Variants in TANC1 observed in about 807,000 individuals in gnomAD.
TANC1 encodes protein TANC1.
TANC1 carries 77 observed loss-of-function variants against 149.7 expected under a neutral mutation model. The observed-to-expected ratio is 0.51, with a 90% CI of 0.43 to 0.62. The LOEUF (loss-of-function observed/expected upper bound fraction) is 0.62. Ranked by LOEUF, TANC1 falls within the 20% of genes least tolerant of loss-of-function variation. TANC1 has a pLI of 0.00. For synonymous variants in TANC1, 854 were observed against 925.0 expected (o/e 0.92, Z 1.39); for missense variants, 1,985 against 2,321.8 (o/e 0.85, Z 2.98).
chr2:159,003,883 C>T (rs74584069), intron 2 of TANC1: 163,046 of 1,611,970 alleles, frequency 0.1, 8,824 homozygotes, highest in Non-Finnish European at 0.11. Flanking sequence ...AGGCTCAGGT[C>T]CAGATAGGGG....
chr2:159,045,890 A>G (rs1296553140), intron 2 of TANC1, among the ~76,000 whole-genome samples: 2 of 152,230 alleles, frequency 1.3e-5, no homozygotes, highest in Non-Finnish European at 2.9e-5. Context: ...GAAAAATGAC[A>G]TGGAAGAGGA....
At chr2:159,095,706 A>G (rs1219091737) in intron 3 of TANC1, among the ~76,000 whole-genome samples, 2 of 140,568 alleles carry the variant, frequency 1.4e-5, no homozygotes, top group East Asian at 2.1e-4. Context: ...ACTGCACTCC[A>G]GCCTGGGCAA....
chr2:159,150,046 A>G, intron 6 of TANC1: 1 of 221,598 alleles, frequency 4.5e-6, no homozygotes, highest in Non-Finnish European at 8.8e-6. Context: ...AAATGAAAGG[A>G]AGTCTGCCTG....
intron 1 of TANC1, among the ~76,000 whole-genome samples, chr2:158,974,145 G>A (rs2033307237): frequency 6.6e-6 from 1 of 152,180 alleles, no homozygotes; most frequent in Admixed American, 6.5e-5. Flanking sequence ...AGCATTCTGT[G>A]TTCTGGTCCT....
At chr2:159,094,537 G>A (rs774362007) in intron 3 of TANC1, among the ~76,000 whole-genome samples, 2 of 152,136 alleles carry the variant, frequency 1.3e-5, no homozygotes, top group Admixed American at 6.5e-5. Flanking sequence ...GCTCCACTGC[G>A]CGCTGGCATC....
chr2:159,099,954 A>G (rs1030037318), intron 4 of TANC1, among the ~76,000 whole-genome samples: 3 of 152,202 alleles, frequency 2.0e-5, no homozygotes, highest in African/African-American at 7.2e-5. Flanking sequence ...CTATGCTTTT[A>G]AAAGTATCAC....
chr2:159,175,210 C>T (rs1354819923), intron 12 of TANC1, 26 bp downstream of exon 12: 2 of 1,581,998 alleles, frequency 1.3e-6, no homozygotes, highest in Admixed American at 1.7e-5. Flanking sequence ...TACCCACAGC[C>T]CCATCTCAGT....
At chr2:159,178,385 G>C (rs537194155) in intron 13 of TANC1, among the ~76,000 whole-genome samples, 171 bp from the exon 14 acceptor site, 1 of 152,292 alleles carries the variant, frequency 6.6e-6, no homozygotes, top group Admixed American at 6.5e-5. Flanking sequence ...TTTCACATAA[G>C]CTTTTTATCT....
At chr2:159,149,106 G>T in intron 5 of TANC1, 36 bp from the exon 6 acceptor site, 1 of 1,545,210 alleles carries the variant, frequency 6.5e-7, no homozygotes, top group South Asian at 1.3e-5. Flanking sequence ...AAATTCCCCA[G>T]AGGGGCATCT....
intron 5 of TANC1, among the ~76,000 whole-genome samples, chr2:159,137,761 C>T (rs1574910364): frequency 6.6e-6 from 1 of 152,214 alleles, no homozygotes; most frequent in African/African-American, 2.4e-5. Flanking sequence ...CTACCTACCT[C>T]TTCCCTTCTT....
chr2:159,004,462 C>T (rs1288997179), intron 2 of TANC1: 1 of 708,882 alleles, frequency 1.4e-6, no homozygotes, highest in African/African-American at 1.8e-5. Flanking sequence ...GCTGTTTGTT[C>T]AGCATTTTTC....
intron 14 of TANC1, among the ~76,000 whole-genome samples, chr2:159,181,954 A>C (rs4665033): frequency 0.72 from 109,547 of 152,042 alleles, 40,181 homozygotes; most frequent in East Asian, 0.95. Context: ...TAATCCTAGC[A>C]CTTTGGGAGG....
chr2:159,047,538 T>G (rs1412991545), intron 2 of TANC1, among the ~76,000 whole-genome samples: 3 of 152,178 alleles, frequency 2.0e-5, no homozygotes, highest in Non-Finnish European at 2.9e-5. Flanking sequence ...CTCACTGAGA[T>G]AAATGCATAT....
intron 1 of TANC1, among the ~76,000 whole-genome samples, chr2:158,985,063 G>A (rs956624144): frequency 6.6e-6 from 1 of 152,168 alleles, no homozygotes; most frequent in African/African-American, 2.4e-5. Context: ...GACTGGCGTG[G>A]GGACAGATGG....
At chr2:159,194,566 C>A in intron 17 of TANC1, 73 bp downstream of exon 17, 1 of 1,275,626 alleles carries the variant, frequency 7.8e-7, no homozygotes, top group Non-Finnish European at 1.1e-6. Context: ...TTGTTATTTG[C>A]TGGGCCAGAC....
At chr2:159,076,975 C>A (rs972723093) in intron 3 of TANC1, among the ~76,000 whole-genome samples, 11 of 151,202 alleles carry the variant, frequency 7.3e-5, no homozygotes, top group African/African-American at 2.7e-4. Flanking sequence ...CCTTCAGGGA[C>A]GTTCATTTTG....
At chr2:159,057,470 C>G (rs1417483030) in intron 2 of TANC1, among the ~76,000 whole-genome samples, 1 of 152,342 alleles carries the variant, frequency 6.6e-6, no homozygotes, top group East Asian at 1.9e-4. Flanking sequence ...TAACCCAACA[C>G]TCATTCCTTA....
intron 19 of TANC1, among the ~76,000 whole-genome samples, chr2:159,202,508 C>A (rs1310266185): frequency 6.6e-6 from 1 of 152,100 alleles, no homozygotes; most frequent in Admixed American, 6.5e-5. Flanking sequence ...TTTTGTCTGT[C>A]CAATGTTTAG....
At chr2:159,073,359 G>A (rs2043331523) in intron 3 of TANC1, among the ~76,000 whole-genome samples, 1 of 152,130 alleles carries the variant, frequency 6.6e-6, no homozygotes, top group South Asian at 2.1e-4. Context: ...CTGTTTTCCT[G>A]GTGGGGGGCA....
Sources: gnomAD v4.1 joint callset for allele counts (sites outside exome capture counted in the v4.1 genomes callset) on GRCh38, gnomAD v4.1.1 for gene constraint, MANE v1.5 for transcripts, NCBI Gene and HGNC (gene_info 2026-07-23, HGNC 2026-07-21) for gene names.